The following SAMD12 variants were observed in gnomAD, a reference collection of about 807,000 sequenced individuals.
SAMD12 encodes sterile alpha motif domain-containing protein 12.
SAMD12 carries 9 observed loss-of-function variants against 15.0 expected under a neutral mutation model. The ratio of observed to expected loss-of-function variants is 0.60; its 90% CI spans 0.36 to 1.05. The LOEUF is 1.05. Ranked by LOEUF, SAMD12 falls within the 50% of genes least tolerant of loss-of-function variation. SAMD12 has a pLI of 0.01. For synonymous variants in SAMD12, 86 were observed against 90.1 expected, an observed-to-expected ratio of 0.96 and a Z score of 0.25; for missense variants, 230 against 234.2, an observed-to-expected ratio of 0.98 and a Z score of 0.12.
chr8:118,341,597 C>T (rs1050554064), intron 4 of SAMD12, among the ~76,000 whole-genome samples: 4 of 152,132 alleles, frequency 2.6e-5, no homozygotes, highest in African/African-American at 7.2e-5. Flanking sequence ...TGGTCAGTTT[C>T]TGGTGCCGGC....
intron 2 of SAMD12, among the ~76,000 whole-genome samples, chr8:118,576,980 G>GT (rs1482608704): frequency 6.6e-6 from 1 of 152,114 alleles, no homozygotes; most frequent in Non-Finnish European, 1.5e-5. Context: ...TGTAAACATA[G>GT]TTTTTTACTC....
chr8:118,579,087 C>A (rs1233934418), intron 2 of SAMD12, among the ~76,000 whole-genome samples: 1 of 152,102 alleles, frequency 6.6e-6, no homozygotes, highest in Non-Finnish European at 1.5e-5. Context: ...GAAATAAAAT[C>A]ATATCAGATT....
intron 2 of SAMD12, among the ~76,000 whole-genome samples, chr8:118,447,148 C>A (rs1563865443): frequency 6.6e-6 from 1 of 152,114 alleles, no homozygotes; most frequent in East Asian, 1.9e-4. Context: ...ATAATTCTAC[C>A]CTCAAATGTA....
intron 2 of SAMD12, among the ~76,000 whole-genome samples, chr8:118,505,675 T>TAC (rs1273637133): frequency 6.6e-6 from 1 of 151,708 alleles, no homozygotes; most frequent in Non-Finnish European, 1.5e-5. Flanking sequence ...AGTCACGCAT[T>TAC]ACATACTCTG....
At chr8:118,476,886 C>T (rs762987498) in intron 2 of SAMD12, among the ~76,000 whole-genome samples, 1 of 152,114 alleles carries the variant, frequency 6.6e-6, no homozygotes, top group East Asian at 1.9e-4. Flanking sequence ...TTGAGCAATG[C>T]CCACTGTCTC....
At chr8:118,554,427 G>C (rs1427934249) in intron 2 of SAMD12, among the ~76,000 whole-genome samples, 2 of 150,962 alleles carry the variant, frequency 1.3e-5, no homozygotes, top group Non-Finnish European at 2.9e-5. Context: ...GTAAACTATC[G>C]CAAGAACAAA....
chr8:118,211,874 C>T (rs534524969), intron 4 of SAMD12, among the ~76,000 whole-genome samples: 1 of 152,288 alleles, frequency 6.6e-6, no homozygotes, highest in Admixed American at 6.5e-5. Context: ...ACACAATATT[C>T]ATATCTTTCC....
chr8:118,246,620 A>G (rs990010182), intron 4 of SAMD12, among the ~76,000 whole-genome samples: 5 of 152,162 alleles, frequency 3.3e-5, no homozygotes, highest in African/African-American at 1.2e-4. Flanking sequence ...TAACATGCAG[A>G]AAAAACATCA....
At chr8:118,316,797 C>A (rs998468931) in intron 4 of SAMD12, among the ~76,000 whole-genome samples, 1 of 149,974 alleles carries the variant, frequency 6.7e-6, no homozygotes, top group Non-Finnish European at 1.5e-5. Flanking sequence ...GTCCACCATG[C>A]CTGGCTAATT....
Position 118,366,823 on chromosome 8 carries a change from A to AAATAAAATAAAATAT in SAMD12, c.433+12736_433+12737insATATTTTATTTTATT, listed in dbSNP as rs1409458098. On this transcript the variant is annotated intron_variant, in intron 4 of 4. Coordinates refer to the SAMD12 transcript ENST00000409003. The stretch of plus-strand genomic sequence containing the variant: ...GTGAAACTCTGTCTCAAATAAAATA[A>AAATAAAATAAAATAT]AATAAAATAAAATAAAATAAAATAA... 5.0e-3 allele frequency among the ~76,000 whole-genome samples: 396 copies of AAATAAAATAAAATAT among 78,940 alleles called. 9 individuals carry two copies. Among genetic ancestry groups the AAATAAAATAAAATAT allele is most frequent in the Non-Finnish European group, 7.1e-3 (294 of 41,240 alleles). 51.8% of individuals were successfully genotyped at this position (78,940 alleles called of 152,430 possible). A position where few individuals can be genotyped will look rare whatever the true frequency, so the allele number is the denominator to read the frequency against.
intron 1 of SAMD12, among the ~76,000 whole-genome samples, chr8:118,584,468 G>A (rs532863018): frequency 2.0e-5 from 3 of 152,038 alleles, no homozygotes; most frequent in South Asian, 2.1e-4. Context: ...CTCACTGGTC[G>A]GCTTCGAGAC....
rs550792306 is a variant in SAMD12, at chr8:118,547,795, T to C, written c.192+32920A>G. On this transcript the variant is annotated intron_variant, in intron 2 of 3. Coordinates refer to ENST00000314727, the MANE Select transcript of SAMD12 (RefSeq NM_207506.3). ...TTAAAGTAATTCCCTTTGTTAGTTT[T>C]CACCTTGTCCTAAGAAATAACCACA... 1.0e-4 allele frequency among the ~76,000 whole-genome samples: 16 copies of C among 152,384 alleles called. No individual in the cohort carries two copies. The East Asian group carries it at 3.1e-3, about 29-fold the overall frequency.
At chr8:118,204,265 T>A (rs1191732005) in intron 4 of SAMD12, among the ~76,000 whole-genome samples, 1 of 152,166 alleles carries the variant, frequency 6.6e-6, no homozygotes, top group Admixed American at 6.5e-5. Flanking sequence ...AAAGGATTTA[T>A]GTGGCCATAA....
intron 4 of SAMD12, among the ~76,000 whole-genome samples, chr8:118,217,511 A>G (rs1811992007): frequency 6.6e-6 from 1 of 152,222 alleles, no homozygotes. Flanking sequence ...AAAAGACAAT[A>G]TCTTTACAGA....
intron 2 of SAMD12, among the ~76,000 whole-genome samples, chr8:118,494,576 A>G (rs1469766011): frequency 1.3e-5 from 2 of 152,176 alleles, no homozygotes; most frequent in African/African-American, 4.8e-5. Context: ...AATGAAGGAC[A>G]TCGTGCCTCT....
chr8:118,164,660 T>A, the SAMD12 span, among the ~76,000 whole-genome samples: 1 of 152,158 alleles, frequency 6.6e-6, no homozygotes, highest in Non-Finnish European at 1.5e-5. Flanking sequence ...CCAGGGCTCA[T>A]GTCTCTGCTC....
Position 118,439,934 on chromosome 8 carries a change from C to CGGTGG in SAMD12, c.219_220insCCACC (p.Val74ProfsTer15), listed in dbSNP as rs1201498466. The CGGTGG allele has an allele frequency of 8.7e-6, 14 of 1,613,676 alleles. No homozygotes were observed. Among genetic ancestry groups the CGGTGG allele is most frequent in the Non-Finnish European group, 1.2e-5 (14 of 1,179,672 alleles). On this transcript the variant is annotated frameshift_variant, in exon 3 of 4. Coordinates refer to ENST00000314727, the MANE Select transcript of SAMD12 (RefSeq NM_207506.3). LOFTEE classifies it high-confidence loss of function. ...ACATCCTGCTGGGTCCATAGAGCCA[C>CGGTGG]CGGTTTAGATAGCTTCACCGTAGCT...
chr8:118,365,649 C>G (rs1016570230), intron 4 of SAMD12, among the ~76,000 whole-genome samples: 1 of 151,954 alleles, frequency 6.6e-6, no homozygotes, highest in African/African-American at 2.4e-5. Context: ...GATGGCAGAT[C>G]GTGGGACTTC....
chr8:118,141,472 C>A, the SAMD12 span, among the ~76,000 whole-genome samples: 1 of 152,186 alleles, frequency 6.6e-6, no homozygotes, highest in African/African-American at 2.4e-5. Flanking sequence ...ATCCACATTG[C>A]TGATAAATAA....
Sources: gnomAD v4.1 joint callset for allele counts (sites outside exome capture counted in the v4.1 genomes callset) on GRCh38, gnomAD v4.1.1 for gene constraint, MANE v1.5 for transcripts, NCBI Gene and HGNC (gene_info 2026-07-23, HGNC 2026-07-21) for gene names.